BCR: variants seen among roughly 807,000 people sequenced by gnomAD.
BCR encodes the protein breakpoint cluster region protein.
In BCR, 58 loss-of-function variants were observed where a neutral mutation model predicts 138.6. The observed-to-expected ratio is 0.42, with a 90% CI of 0.34 to 0.52. The LOEUF (loss-of-function observed/expected upper bound fraction) is 0.52. Among genes scored for constraint, BCR ranks in the 20% least tolerant of loss-of-function variants. The pLI, the probability that BCR is intolerant of heterozygous loss-of-function variation, is 0.06. For missense variants in BCR, 1,599 were observed against 1,727.2 expected, an observed-to-expected ratio of 0.93 and a Z score of 1.32; for synonymous variants, 786 against 730.1, an observed-to-expected ratio of 1.08 and a Z score of -1.23.
chr22:23,231,601 A>G (rs2072959617), intron 1 of BCR, among the ~76,000 whole-genome samples: 2 of 152,226 alleles, frequency 1.3e-5, no homozygotes, highest in Admixed American at 6.5e-5. Context: ...TAAAAGGCCC[A>G]TGGACTTGGG....
intron 1 of BCR, among the ~76,000 whole-genome samples, chr22:23,195,473 TC>T (rs1479479845): frequency 6.7e-5 from 10 of 149,338 alleles, no homozygotes; most frequent in Non-Finnish European, 1.2e-4. Flanking sequence ...ACGCCTGTAA[TC>T]CCAGCTACTC....
intron 2 of BCR, among the ~76,000 whole-genome samples, chr22:23,257,122 C>G (rs915418660): frequency 6.6e-6 from 1 of 152,140 alleles, no homozygotes; most frequent in Non-Finnish European, 1.5e-5. Context: ...TTTGCTCTCT[C>G]GTTTTCTCTG....
chr22:23,290,029 G>A (rs951418073), intron 13 of BCR: 8 of 521,684 alleles, frequency 1.5e-5, no homozygotes, highest in African/African-American at 7.7e-5. Flanking sequence ...CACAGCATAC[G>A]CTATGCACAT....
At chr22:23,206,709 C>CT (rs2072618748) in intron 1 of BCR, among the ~76,000 whole-genome samples, 1 of 152,160 alleles carries the variant, frequency 6.6e-6, no homozygotes, top group African/African-American at 2.4e-5. Context: ...ACTTGCTCCT[C>CT]TTATTTCCTA....
intron 1 of BCR, among the ~76,000 whole-genome samples, chr22:23,191,845 G>A (rs2072418959): frequency 1.3e-5 from 2 of 152,190 alleles, no homozygotes; most frequent in South Asian, 4.1e-4. Context: ...AGTGATACAG[G>A]TGGCCCGGCG....
intron 16 of BCR, among the ~76,000 whole-genome samples, chr22:23,301,655 C>G (rs1568981650): frequency 6.6e-6 from 1 of 152,256 alleles, no homozygotes; most frequent in East Asian, 1.9e-4. Context: ...TCAATCTGGG[C>G]CAAAGCCTGC....
At chr22:23,248,497 G>A (rs931167306) in intron 1 of BCR, among the ~76,000 whole-genome samples, 2 of 151,992 alleles carry the variant, frequency 1.3e-5, no homozygotes, top group African/African-American at 2.4e-5. Flanking sequence ...CCTGGGCCTG[G>A]GCTGACTGGG....
chr22:23,182,276 A>G, intron 1 of BCR, 37 bp downstream of exon 1: 1 of 1,496,830 alleles, frequency 6.7e-7, no homozygotes, highest in South Asian at 1.3e-5. Flanking sequence ...GCACACCTGC[A>G]CGGGGGAGGA....
intron 1 of BCR, among the ~76,000 whole-genome samples, chr22:23,195,019 G>T (rs1216893896): frequency 6.6e-6 from 1 of 151,762 alleles, no homozygotes; most frequent in Non-Finnish European, 1.5e-5. Flanking sequence ...GCTCATGCCT[G>T]TAATCCCAAC....
At chr22:23,265,280 T>A (rs972070881) in intron 4 of BCR, among the ~76,000 whole-genome samples, 3 of 152,220 alleles carry the variant, frequency 2.0e-5, no homozygotes, top group African/African-American at 7.2e-5. Flanking sequence ...TTGTTCCCCA[T>A]AACGACGAGC....
At chr22:23,301,730 T>C (rs1284654428) in intron 16 of BCR, among the ~76,000 whole-genome samples, 2 of 152,206 alleles carry the variant, frequency 1.3e-5, no homozygotes, top group Admixed American at 6.5e-5. Context: ...CCATGAAGGC[T>C]GGGGAGAGGG....
chr22:23,266,110 A>G (rs1244494144), intron 4 of BCR, among the ~76,000 whole-genome samples: 2 of 151,296 alleles, frequency 1.3e-5, no homozygotes, highest in Non-Finnish European at 2.9e-5. Flanking sequence ...CTTGAGATAG[A>G]GTCTCACTCT....
chr22:23,258,686 C>CA (rs1206532932), intron 2 of BCR, among the ~76,000 whole-genome samples: 1 of 152,188 alleles, frequency 6.6e-6, no homozygotes, highest in Non-Finnish European at 1.5e-5. Context: ...GGGTGTTACT[C>CA]ACATACGATA....
intron 5 of BCR, among the ~76,000 whole-genome samples, chr22:23,269,600 C>T (rs540063443): frequency 6.6e-6 from 1 of 152,222 alleles, no homozygotes; most frequent in African/African-American, 2.4e-5. Flanking sequence ...CTCTGTTCTT[C>T]CAGAGTCTGT....
At chr22:23,191,337 G>A (rs966406687) in intron 1 of BCR, among the ~76,000 whole-genome samples, 2 of 152,048 alleles carry the variant, frequency 1.3e-5, no homozygotes, top group Non-Finnish European at 2.9e-5. Flanking sequence ...CTATCCAATC[G>A]CTCAAAGGTA....
At chr22:23,230,551 A>G (rs1017143696) in intron 1 of BCR, among the ~76,000 whole-genome samples, 6 of 152,178 alleles carry the variant, frequency 3.9e-5, no homozygotes, top group African/African-American at 1.4e-4. Context: ...TTTCCAGGCA[A>G]AGCACCTCTC....
chr22:23,221,703 T>G (rs759110180), intron 1 of BCR, among the ~76,000 whole-genome samples: 1 of 152,206 alleles, frequency 6.6e-6, no homozygotes, highest in Non-Finnish European at 1.5e-5. Context: ...GCAAGAGTCA[T>G]TTTTGTTTTC....
intron 1 of BCR, among the ~76,000 whole-genome samples, chr22:23,228,325 C>A (rs764954288): frequency 6.6e-6 from 1 of 152,078 alleles, no homozygotes; most frequent in Non-Finnish European, 1.5e-5. Flanking sequence ...TAATTTTCCT[C>A]GAGACTTCCT....
At chr22:23,262,703 G>GAA (rs1394550266) in intron 4 of BCR, 7 of 191,860 alleles carry the variant, frequency 3.6e-5, no homozygotes, top group African/African-American at 7.9e-5. Flanking sequence ...GCGGGCCCGG[G>GAA]TGAGGGCGGG....
Sources: gnomAD v4.1 joint callset for allele counts (sites outside exome capture counted in the v4.1 genomes callset) on GRCh38, gnomAD v4.1.1 for gene constraint, MANE v1.5 for transcripts, NCBI Gene and HGNC (gene_info 2026-07-23, HGNC 2026-07-21) for gene names.